The following KDM4B variants were observed in gnomAD, a reference collection of about 807,000 sequenced individuals.
KDM4B encodes lysine-specific demethylase 4B.
Under a neutral mutation model 125.2 loss-of-function variants are expected in KDM4B, and 32 were observed. The ratio of observed to expected loss-of-function variants is 0.26; its 90% CI spans 0.19 to 0.34. KDM4B has a LOEUF of 0.34. KDM4B is among the 10% of genes least tolerant of loss of function. The pLI is 1.00. For missense variants in KDM4B, 1,190 were observed against 1,577.7 expected (o/e 0.75, Z 4.16); for synonymous variants, 721 against 677.9 (o/e 1.06, Z -0.99).
intron 9 of KDM4B, among the ~76,000 whole-genome samples, chr19:5,099,460 AT>A (rs1454917934): frequency 2.6e-5 from 4 of 152,314 alleles, no homozygotes; most frequent in South Asian, 2.1e-4. Context: ...AAAGGGCAAG[AT>A]TTACAGTAAG....
At chr19:5,146,044 C>G (rs961551950) in intron 21 of KDM4B, among the ~76,000 whole-genome samples, 1 of 152,086 alleles carries the variant, frequency 6.6e-6, no homozygotes, top group African/African-American at 2.4e-5. Flanking sequence ...TACCCCCCGC[C>G]GTGCAGGCCG....
At chr19:4,995,527 C>T (rs529338275) in intron 1 of KDM4B, among the ~76,000 whole-genome samples, 1 of 152,296 alleles carries the variant, frequency 6.6e-6, no homozygotes, top group African/African-American at 2.4e-5. Flanking sequence ...GATCTGCCTA[C>T]CTTGGCCTCC....
chr19:5,149,569 C>G (rs1189486811), intron 21 of KDM4B, among the ~76,000 whole-genome samples: 1 of 152,232 alleles, frequency 6.6e-6, no homozygotes, highest in East Asian at 1.9e-4. Flanking sequence ...ACCCCAGCAC[C>G]TTTCCTGGCT....
rs899754797 is a variant in KDM4B, at chr19:5,114,253, C to T, written c.1115+3435C>T. 4.8e-5 allele frequency: 61 copies of T among 1,284,198 alleles called. No homozygotes were observed. The highest frequency in any genetic ancestry group is 2.1e-4 in the Middle Eastern group (1 of 4,688). The allele number at this position is 1,284,198 out of a possible 1,614,324, so 79.6% of individuals were successfully genotyped here. On this transcript the variant is annotated intron_variant, in intron 10 of 22. Coordinates refer to ENST00000159111, the MANE Select transcript of KDM4B (RefSeq NM_015015.3). This position sits in a 1 kb window ranked among gnomAD's most constrained non-coding sequence, Gnocchi z 5.8. ...GCTCCCTGCAGGACATCTGTGCACCCGCCTCACCACAGCCTCCCTGGCCCA... is the reference window on the plus strand; with the variant it reads ...GCTCCCTGCAGGACATCTGTGCACCTGCCTCACCACAGCCTCCCTGGCCCA...
intron 8 of KDM4B, among the ~76,000 whole-genome samples, chr19:5,080,073 C>G (rs948555480): frequency 3.9e-5 from 6 of 152,220 alleles, no homozygotes; most frequent in African/African-American, 1.4e-4. Flanking sequence ...TATTTTCTGC[C>G]GCGTGCTCGT....
chr19:5,002,322 A>G (rs2035412207), intron 1 of KDM4B, among the ~76,000 whole-genome samples: 1 of 151,418 alleles, frequency 6.6e-6, no homozygotes, highest in Non-Finnish European at 1.5e-5. Flanking sequence ...CGGTCTCTGG[A>G]TTGCCTTTTG....
At position 5,151,565 on chromosome 19, in the gene KDM4B, C is replaced by T. The variant is rs548169649; in HGVS notation, c.*54C>T. 9.4e-6 allele frequency: 12 copies of T among 1,277,254 alleles called. No homozygotes were observed. The highest frequency in any genetic ancestry group is 1.5e-5 in the African/African-American group (1 of 64,628). The allele number at this position is 1,277,254 out of a possible 1,614,324, so 79.1% of individuals were successfully genotyped here. A position where few individuals can be genotyped will look rare whatever the true frequency, so the allele number is the denominator to read the frequency against. On this transcript the variant is annotated 3_prime_UTR_variant, in exon 23 of 23. Transcript: ENST00000159111. ...CCCGGCGGGGAGGCCATGGCATGCC[C>T]CGGGCGTTCGCTTGCTGTGAATTCC...
chr19:4,970,729 C>T (rs1422571071), intron 1 of KDM4B, among the ~76,000 whole-genome samples: 1 of 100,400 alleles, frequency 1.0e-5, no homozygotes, highest in African/African-American at 3.0e-5. Flanking sequence ...CAGCCTTCTC[C>T]TGCAGCCCCT....
chr19:5,144,068 C>T lies in KDM4B; in HGVS notation c.2652C>T (p.His884=), dbSNP rs1168773951. The T allele has an allele frequency of 7.5e-6, 12 of 1,606,428 alleles. No homozygotes were observed. The highest frequency in any genetic ancestry group is 3.3e-5 in the Admixed American group (2 of 59,900). Residue 884 remains histidine (H), a synonymous_variant, in exon 19 of 23, where the codon CAC becomes CAT. Transcript: ENST00000159111. ...CSTSFHVTCA[H]AAGVLMEPDD... ...CGTCCTTCCACGTGACCTGCGCCCACGCCGCAGGCGTGCTCATGGAGCCGG... is the reference window on the plus strand; with the variant it reads ...CGTCCTTCCACGTGACCTGCGCCCATGCCGCAGGCGTGCTCATGGAGCCGG...
At chr19:4,991,574 A>T (rs775854338) in intron 1 of KDM4B, among the ~76,000 whole-genome samples, 1 of 152,222 alleles carries the variant, frequency 6.6e-6, no homozygotes, top group Non-Finnish European at 1.5e-5. Flanking sequence ...TGTCCCGTTA[A>T]AACTAGGAAA....
At chr19:4,990,645 G>C (rs543261178) in intron 1 of KDM4B, among the ~76,000 whole-genome samples, 1 of 152,298 alleles carries the variant, frequency 6.6e-6, no homozygotes, top group Non-Finnish European at 1.5e-5. Flanking sequence ...TTTTAGATCT[G>C]TGTTGTACAA....
At chr19:4,994,171 C>A (rs533722745) in intron 1 of KDM4B, among the ~76,000 whole-genome samples, 1 of 151,852 alleles carries the variant, frequency 6.6e-6, no homozygotes, top group South Asian at 2.1e-4. Flanking sequence ...ATCTCGAACT[C>A]CTGGGCTCAA....
In KDM4B at chr19:5,051,548, A is replaced by T. The variant is rs549162759; in HGVS notation, c.626+3879A>T. Among the ~76,000 whole-genome samples the T allele has an allele frequency of 2.1e-4, 32 of 152,328 alleles. 1 individual carries two copies. Among genetic ancestry groups the T allele is most frequent in the Admixed American group, 1.8e-3 (28 of 15,306 alleles). ...GGACTCCCGAGGACGTCGTGAGCTG[A>T]TGGGACATGGTCAGCTGCTTGCACT... On this transcript the variant is annotated intron_variant, in intron 6 of 22. Coordinates refer to ENST00000159111, the MANE Select transcript of KDM4B (RefSeq NM_015015.3).
intron 1 of KDM4B, among the ~76,000 whole-genome samples, chr19:5,013,990 AGTCC>A (rs1568227345): frequency 3.3e-5 from 5 of 152,242 alleles, no homozygotes; most frequent in African/African-American, 1.2e-4. Context: ...GTGGCCCGGC[AGTCC>A]AGGACCTGCT....
At chr19:4,984,818 A>G (rs2034772561) in intron 1 of KDM4B, among the ~76,000 whole-genome samples, 1 of 152,056 alleles carries the variant, frequency 6.6e-6, no homozygotes, top group South Asian at 2.1e-4. Context: ...TTCGCAGGGT[A>G]CCAGATGCCA....
In KDM4B at chr19:5,114,106, G is replaced by A; in HGVS notation, c.1115+3288G>A. ...GCCTCCCCACTCCCGGTGGCGCTGTGCGTTCTGGTGCCCTGCCTGAGCCGG... is the reference window on the plus strand; with the variant it reads ...GCCTCCCCACTCCCGGTGGCGCTGTACGTTCTGGTGCCCTGCCTGAGCCGG... On this transcript the variant is annotated intron_variant, in intron 10 of 22. Transcript: ENST00000159111. This position sits in a 1 kb window ranked among gnomAD's most constrained non-coding sequence, Gnocchi z 5.8. 1 of 1,289,302 alleles carries A rather than the reference G, an allele frequency of 7.8e-7. No homozygotes were observed. Among genetic ancestry groups the A allele is most frequent in the Middle Eastern group, 2.1e-4 (1 of 4,696 alleles). The allele number at this position is 1,289,302 out of a possible 1,614,324, so 79.9% of individuals were successfully genotyped here.
intron 2 of KDM4B, among the ~76,000 whole-genome samples, chr19:5,019,906 G>GTGTTGGTGTGGA (rs1386541693): frequency 6.7e-6 from 1 of 148,358 alleles, no homozygotes; most frequent in African/African-American, 2.5e-5. Context: ...TAGTGTGCAG[G>GTGTTGGTGTGGA]TGTTGGTGTG....
chr19:5,127,424 T>G lies in KDM4B; in HGVS notation c.1316-3652T>G, dbSNP rs556496757. On this transcript the variant is annotated intron_variant, in intron 11 of 22. Transcript: ENST00000159111. Reference sequence around the variant, plus strand: ...GGGTCCCCTGTGTGTCTGCCCGGGCTTCACTGAGCCTGGGAGCCGACAGGG... The same window carrying G: ...GGGTCCCCTGTGTGTCTGCCCGGGCGTCACTGAGCCTGGGAGCCGACAGGG... 3.1e-4 allele frequency among the ~76,000 whole-genome samples: 47 copies of G among 152,290 alleles called. No homozygotes were observed. The East Asian group carries it at 7.7e-3, about 25-fold the overall frequency.
intron 8 of KDM4B, chr19:5,079,306 C>A (rs114100533): frequency 3.3e-5 from 5 of 152,326 alleles, no homozygotes; most frequent in South Asian, 4.1e-4. Flanking sequence ...ATCATCCCAA[C>A]GCCTTCTAAT....
Sources: allele counts gnomAD v4.1 joint callset (sites outside exome capture counted in the v4.1 genomes callset), GRCh38; gene constraint gnomAD v4.1.1; non-coding constraint Gnocchi (gnomAD v3.1); transcripts MANE v1.5; gene names NCBI Gene and HGNC (gene_info 2026-07-23, HGNC 2026-07-21).